The following ABAT variants were observed in gnomAD, a reference collection of about 807,000 sequenced individuals.
ABAT encodes the protein 4-aminobutyrate aminotransferase.
Under a neutral mutation model 64.6 loss-of-function variants are expected in ABAT, and 45 were observed. The observed-to-expected ratio is 0.70, with a 90% CI of 0.55 to 0.89. The LOEUF (loss-of-function observed/expected upper bound fraction) is 0.89. Ranked by LOEUF, ABAT falls within the 40% of genes least tolerant of loss-of-function variation. ABAT has a pLI of 0.00. For synonymous variants in ABAT, 297 were observed against 250.5 expected, an observed-to-expected ratio of 1.19 and a Z score of -1.75; for missense variants, 633 against 658.4, an observed-to-expected ratio of 0.96 and a Z score of 0.42.
At chr16:8,731,088 G>T (rs1244708723) in intron 1 of ABAT, among the ~76,000 whole-genome samples, 1 of 152,084 alleles carries the variant, frequency 6.6e-6, no homozygotes, top group Non-Finnish European at 1.5e-5. Context: ...TCAGACTCCT[G>T]AGTAGCTGGG....
intron 1 of ABAT, among the ~76,000 whole-genome samples, chr16:8,727,660 G>A (rs1255876268): frequency 1.3e-5 from 2 of 152,194 alleles, no homozygotes; most frequent in African/African-American, 2.4e-5. Flanking sequence ...CACATGATGG[G>A]TAAAGCAGCC....
intron 9 of ABAT, among the ~76,000 whole-genome samples, chr16:8,766,866 G>A (rs1017215207): frequency 1.2e-4 from 18 of 152,060 alleles, no homozygotes; most frequent in Non-Finnish European, 2.2e-4. Flanking sequence ...CTACTCGGGA[G>A]GCTGAGGCAG....
At chr16:8,721,362 C>G (rs2058366124) in intron 1 of ABAT, among the ~76,000 whole-genome samples, 1 of 152,158 alleles carries the variant, frequency 6.6e-6, no homozygotes, top group South Asian at 2.1e-4. Context: ...ACCGTCCACT[C>G]TTTATGGTAA....
chr16:8,699,914 G>C (rs2057782654), intron 1 of ABAT, among the ~76,000 whole-genome samples: 1 of 152,064 alleles, frequency 6.6e-6, no homozygotes, highest in African/African-American at 2.4e-5. Flanking sequence ...CTTGGGCTCA[G>C]GTGATTCTCC....
At chr16:8,722,708 C>G in intron 1 of ABAT, 3 of 745,746 alleles carry the variant, frequency 4.0e-6, no homozygotes, top group Non-Finnish European at 5.9e-6. Context: ...CATGGCGTGC[C>G]AGTGCTCTGA....
chr16:8,781,357 C>T lies in ABAT; in HGVS notation c.1430C>T (p.Thr477Met), dbSNP rs778305265. 7.2e-5 allele frequency: 116 copies of T among 1,614,014 alleles called. No individual in the cohort carries two copies. The highest frequency in any genetic ancestry group is 9.7e-5 in the Non-Finnish European group (114 of 1,180,026). ...GACAAATCCATTCGTTTCCGTCCCA[C>T]GCTGGTCTTCAGGGATCACCACGCT... Reference protein sequence around the residue: ...CGDKSIRFRPTLVFRDHHAHL... With the variant: ...CGDKSIRFRPMLVFRDHHAHL... Residue 477 changes from threonine (T) to methionine (M), a missense_variant, in exon 16 of 16, where the codon ACG becomes ATG. By Grantham distance (81) the Thr-to-Met change is moderately conservative. Coordinates refer to ENST00000268251, the MANE Select transcript of ABAT (RefSeq NM_020686.6). The surrounding 1 kb of genome is among the most constrained non-coding windows in gnomAD (Gnocchi z 4.5).
chr16:8,706,621 G>A (rs540212105), intron 1 of ABAT, among the ~76,000 whole-genome samples: 47 of 152,152 alleles, frequency 3.1e-4, no homozygotes, highest in South Asian at 1.2e-3. Context: ...GCTGAGGCAC[G>A]AGAATCAATT....
chr16:8,707,462 C>T (rs191679868), intron 1 of ABAT, among the ~76,000 whole-genome samples: 129 of 150,874 alleles, frequency 8.6e-4, no homozygotes, highest in African/African-American at 2.9e-3. Flanking sequence ...GCTGGGATTA[C>T]AGGCATGAGC....
chr16:8,745,407 T>C (rs1024034368), intron 2 of ABAT, among the ~76,000 whole-genome samples: 9 of 152,164 alleles, frequency 5.9e-5, no homozygotes, highest in African/African-American at 2.2e-4. Context: ...AATAGAAAGC[T>C]GGCATCAGAT....
intron 9 of ABAT, 74 bp downstream of exon 9, chr16:8,766,344 C>A: frequency 6.8e-7 from 1 of 1,467,476 alleles, no homozygotes; most frequent in Non-Finnish European, 9.5e-7. Context: ...TGCTGGCTGG[C>A]TGGCACTGTC....
At chr16:8,766,050 C>A in intron 8 of ABAT, 158 bp from the exon 9 acceptor site, 1 of 690,744 alleles carries the variant, frequency 1.4e-6, no homozygotes. Context: ...AGTTGGTAGC[C>A]TCACGTTTCA....
chr16:8,737,829 G>A (rs765699523), intron 2 of ABAT, among the ~76,000 whole-genome samples: 21 of 149,410 alleles, frequency 1.4e-4, no homozygotes, highest in Admixed American at 2.7e-4. Flanking sequence ...TTGGGAGGCT[G>A]AGGCAGAAGA....
At chr16:8,682,813 G>C (rs2057366661) in intron 1 of ABAT, among the ~76,000 whole-genome samples, 1 of 152,186 alleles carries the variant, frequency 6.6e-6, no homozygotes, top group Non-Finnish European at 1.5e-5. Context: ...CAGCAGCATT[G>C]CATCTTCTAG....
Position 8,776,467 on chromosome 16 carries a change from C to G in ABAT, c.1246C>G (p.Leu416Val), listed in dbSNP as rs779927781. Residue 416 changes from leucine to valine, a missense_variant, in exon 14 of 16, where the codon CTC (leucine) becomes GTC (valine). Coordinates refer to ENST00000268251, the MANE Select transcript of ABAT (RefSeq NM_020686.6). The surrounding 1 kb of genome is among the most constrained non-coding windows in gnomAD (Gnocchi z 4.4). ...NNAAHAGKALLTGLLDLQARY... is the reference protein window; with the variant it reads ...NNAAHAGKALVTGLLDLQARY... ...TGCAGCCCATGCCGGGAAGGCCCTGCTCACAGGACTGCTGGACCTCCAGGT... is the reference window on the plus strand; with the variant it reads ...TGCAGCCCATGCCGGGAAGGCCCTGGTCACAGGACTGCTGGACCTCCAGGT... 6.2e-7 allele frequency: 1 copy of G among 1,614,112 alleles called. No homozygotes were observed. Among genetic ancestry groups the G allele is most frequent in the South Asian group, 1.1e-5 (1 of 91,068 alleles).
intron 2 of ABAT, chr16:8,736,478 G>C (rs971679609): frequency 4.6e-5 from 7 of 152,832 alleles, no homozygotes; most frequent in African/African-American, 1.7e-4. Context: ...ATCTCTGCAG[G>C]GACCGCTGGG....
intron 1 of ABAT, among the ~76,000 whole-genome samples, chr16:8,699,239 G>A (rs2057767343): frequency 6.6e-6 from 1 of 152,222 alleles, no homozygotes; most frequent in Admixed American, 6.5e-5. Context: ...TTGGGGAGGG[G>A]AGATGCTGTT....
chr16:8,710,727 A>AGAGAGAGAGGGAGGGAGAGGGAGG (rs146344975), intron 1 of ABAT, among the ~76,000 whole-genome samples: 5 of 103,756 alleles, frequency 4.8e-5, no homozygotes, highest in Non-Finnish European at 1.0e-4. Flanking sequence ...AGAGAGAGAG[A>AGAGAGAGAGGGAGGGAGAGGGAGG]GAGGAAATAG....
Position 8,781,298 on chromosome 16 carries a change from G to C in ABAT, c.1382-11G>C, listed in dbSNP as rs749939543. 1 of 1,614,000 alleles carries C rather than the reference G, an allele frequency of 6.2e-7. No homozygotes were observed. The highest frequency in any genetic ancestry group is 8.5e-7 in the Non-Finnish European group (1 of 1,179,954). ...AAACCACGCTCCTCACCTACCTCCTGCCTCTTTCAGGTGTGGTGTTGGGTG... is the reference window on the plus strand; with the variant it reads ...AAACCACGCTCCTCACCTACCTCCTCCCTCTTTCAGGTGTGGTGTTGGGTG... On this transcript the variant is annotated splice_polypyrimidine_tract_variant and intron_variant, in intron 15 of 15. Transcript: ENST00000268251. The surrounding 1 kb of genome is among the most constrained non-coding windows in gnomAD (Gnocchi z 4.5).
chr16:8,770,658 C>G (rs2060080209), intron 11 of ABAT, among the ~76,000 whole-genome samples: 1 of 151,794 alleles, frequency 6.6e-6, no homozygotes, highest in Non-Finnish European at 1.5e-5. Flanking sequence ...CCAGGTTGGT[C>G]TCAAACTCCT....
Sources: allele counts gnomAD v4.1 joint callset (sites outside exome capture counted in the v4.1 genomes callset), GRCh38; gene constraint gnomAD v4.1.1; non-coding constraint Gnocchi (gnomAD v3.1); transcripts MANE v1.5; gene names NCBI Gene and HGNC (gene_info 2026-07-23, HGNC 2026-07-21).